GPC5: variants seen among roughly 807,000 people sequenced by gnomAD.
GPC5 encodes the protein glypican-5.
A neutral mutation model predicts 53.9 loss-of-function variants in GPC5; 47 were observed. The observed-to-expected ratio is 0.87, with a 90% confidence interval of 0.69 to 1.11. The LOEUF (loss-of-function observed/expected upper bound fraction) is 1.11, where lower values mean the gene tolerates loss of function less well. GPC5 is among the 50% of genes most tolerant of loss of function. The pLI, the probability that GPC5 is intolerant of heterozygous loss-of-function variation, is 0.00. For synonymous variants in GPC5, 286 were observed against 263.3 expected, an observed-to-expected ratio of 1.09 and a Z score of -0.84; for missense variants, 748 against 713.1, an observed-to-expected ratio of 1.05 and a Z score of -0.56.
At chr13:92,385,106 G>C (rs1168960186) in intron 7 of GPC5, among the ~76,000 whole-genome samples, 1 of 151,606 alleles carries the variant, frequency 6.6e-6, no homozygotes, top group Non-Finnish European at 1.5e-5. Context: ...CCCAGATATG[G>C]GCTTCCCTTT....
chr13:92,068,575 A>G (rs1314270590), intron 6 of GPC5, among the ~76,000 whole-genome samples: 14 of 151,472 alleles, frequency 9.2e-5, no homozygotes, highest in African/African-American at 1.7e-4. Context: ...AAAGCTTTCC[A>G]TATTTCCTTA....
chr13:92,660,498 T>C (rs1435633981), intron 7 of GPC5, among the ~76,000 whole-genome samples: 1 of 152,000 alleles, frequency 6.6e-6, no homozygotes, highest in Non-Finnish European at 1.5e-5. Context: ...TATATACATA[T>C]ATATGCACAT....
rs148487866 is a variant in GPC5, at chr13:92,646,448, A to AT, written c.1562-219833dup. 9.1e-3 allele frequency among the ~76,000 whole-genome samples: 1,385 copies of AT among 152,238 alleles called. 20 individuals are homozygous for AT. The highest frequency in any genetic ancestry group is 0.032 in the African/African-American group (1,311 of 41,572). The stretch of plus-strand genomic sequence containing the variant: ...TTATAGTGTGACTTTAAATCAAACC[A>AT]TATGAATCCTCCACGTTTGTTCTTT... On this transcript the variant is annotated intron_variant, in intron 7 of 7. Coordinates refer to ENST00000377067, the MANE Select transcript of GPC5 (RefSeq NM_004466.6).
At chr13:92,663,169 A>G (rs1023695515) in intron 7 of GPC5, among the ~76,000 whole-genome samples, 27 of 152,188 alleles carry the variant, frequency 1.8e-4, no homozygotes, top group African/African-American at 6.5e-4. Flanking sequence ...GAAAGTCTTC[A>G]CCTAAAGTAA....
intron 4 of GPC5, among the ~76,000 whole-genome samples, chr13:91,732,460 C>T (rs180764996): frequency 1.6e-4 from 25 of 151,984 alleles, no homozygotes; most frequent in African/African-American, 6.0e-4. Context: ...AATTTTCTCC[C>T]ATTCTGTAAG....
chr13:91,948,719 A>G (rs2039998817), intron 6 of GPC5, among the ~76,000 whole-genome samples: 1 of 152,234 alleles, frequency 6.6e-6, no homozygotes, highest in Non-Finnish European at 1.5e-5. Flanking sequence ...AGATTTTGGC[A>G]CATGTGATAA....
intron 5 of GPC5, among the ~76,000 whole-genome samples, chr13:91,849,628 T>C (rs1177708434): frequency 6.6e-6 from 1 of 152,104 alleles, no homozygotes; most frequent in Non-Finnish European, 1.5e-5. Flanking sequence ...CAGAACACAG[T>C]TTGAAAAGAG....
chr13:91,806,021 A>ATTT lies in GPC5; in HGVS notation c.1280+49629_1280+49631dup, dbSNP rs71113764. On this transcript the variant is annotated intron_variant, in intron 5 of 7. Coordinates refer to ENST00000377067, the MANE Select transcript of GPC5 (RefSeq NM_004466.6). ...ATGTGAACCTTCAACAAATACAATA[A>ATTT]TTTTTTTTTTTTTTTTTTTTTTTTT... is the stretch of plus-strand genomic sequence containing the variant. 1.0e-2 allele frequency among the ~76,000 whole-genome samples: 485 copies of ATTT among 48,678 alleles called. 49 individuals are homozygous for ATTT. Among genetic ancestry groups the ATTT allele is most frequent in the East Asian group, 0.052 (64 of 1,234 alleles). The allele number at this position is 48,678 out of a possible 152,430, so 31.9% of individuals were successfully genotyped here. A position where few individuals can be genotyped will look rare whatever the true frequency, so the allele number is the denominator to read the frequency against.
chr13:91,433,359 C>A, intron 1 of GPC5, among the ~76,000 whole-genome samples: 1 of 138,762 alleles, frequency 7.2e-6, no homozygotes, highest in African/African-American at 2.6e-5. Context: ...CCTCCCCCCA[C>A]CCCACAACAG....
intron 7 of GPC5, among the ~76,000 whole-genome samples, chr13:92,763,497 A>C (rs1875274369): frequency 6.6e-6 from 1 of 152,082 alleles, no homozygotes; most frequent in African/African-American, 2.4e-5. Context: ...TTTTCCCCAT[A>C]ATGTGGAGTT....
intron 6 of GPC5, among the ~76,000 whole-genome samples, chr13:92,137,762 C>A (rs146232128): frequency 6.6e-6 from 1 of 152,154 alleles, no homozygotes; most frequent in African/African-American, 2.4e-5. Context: ...GAAGCTGAGA[C>A]GGCAGGCATG....
At chr13:91,507,084 T>C (rs1260947473) in intron 2 of GPC5, among the ~76,000 whole-genome samples, 1 of 152,160 alleles carries the variant, frequency 6.6e-6, no homozygotes, top group African/African-American at 2.4e-5. Context: ...GGGGCTGCTA[T>C]AAGAGAATAC....
chr13:92,627,926 G>C (rs879315541), intron 7 of GPC5, among the ~76,000 whole-genome samples: 2 of 152,126 alleles, frequency 1.3e-5, no homozygotes, highest in Non-Finnish European at 2.9e-5. Context: ...TTTTCTTCCT[G>C]GACAGTATAT....
At chr13:92,680,942 T>C (rs1210924696) in intron 7 of GPC5, among the ~76,000 whole-genome samples, 5 of 152,116 alleles carry the variant, frequency 3.3e-5, no homozygotes, top group African/African-American at 1.2e-4. Flanking sequence ...CACCTGGATA[T>C]CCCTCAGGTA....
intron 6 of GPC5, among the ~76,000 whole-genome samples, chr13:91,968,840 T>C (rs2040214397): frequency 6.6e-6 from 1 of 152,214 alleles, no homozygotes; most frequent in African/African-American, 2.4e-5. Context: ...ATTAGATTGT[T>C]GAGCCAGCTC....
At chr13:91,689,365 C>G (rs186796099) in intron 2 of GPC5, among the ~76,000 whole-genome samples, 1 of 148,962 alleles carries the variant, frequency 6.7e-6, no homozygotes, top group African/African-American at 2.4e-5. Flanking sequence ...AATGCAAAGG[C>G]TTAGGACATT....
intron 6 of GPC5, among the ~76,000 whole-genome samples, chr13:92,020,146 A>G (rs1566397480): frequency 6.6e-6 from 1 of 152,012 alleles, no homozygotes; most frequent in African/African-American, 2.4e-5. Flanking sequence ...TCATAGTCCT[A>G]TTTCTTTCTT....
chr13:92,596,656 T>C (rs117619804), intron 7 of GPC5, among the ~76,000 whole-genome samples: 13,479 of 152,000 alleles, frequency 0.089, 802 homozygotes, highest in Non-Finnish European at 0.13. Flanking sequence ...GTATTGTTAG[T>C]GGAGATGGGG....
At chr13:92,222,302 A>G (rs574262398) in intron 7 of GPC5, among the ~76,000 whole-genome samples, 44 of 152,302 alleles carry the variant, frequency 2.9e-4, no homozygotes, top group Middle Eastern at 3.4e-3. Context: ...TTATAAAAAC[A>G]CCTTAAAATT....
Sources: allele counts gnomAD v4.1 joint callset (sites outside exome capture counted in the v4.1 genomes callset), GRCh38; gene constraint gnomAD v4.1.1; transcripts MANE v1.5; gene names NCBI Gene and HGNC (gene_info 2026-07-23, HGNC 2026-07-21).